Variants in GSAP observed in about 807,000 individuals in gnomAD.
GSAP encodes gamma-secretase-activating protein.
A neutral mutation model predicts 131.7 loss-of-function variants in GSAP; 118 were observed. The observed-to-expected ratio is 0.90, with a 90% CI of 0.77 to 1.04. The LOEUF (loss-of-function observed/expected upper bound fraction) is 1.04. GSAP is among the 50% of genes least tolerant of loss of function. The probability of loss-of-function intolerance (pLI) is 0.00; values close to 1 mark genes in which losing one functional copy is unlikely to be tolerated. For missense variants in GSAP, 1,019 were observed against 1,013.2 expected (o/e 1.01, Z -0.08); for synonymous variants, 381 against 363.4 (o/e 1.05, Z -0.55).
intron 12 of GSAP, among the ~76,000 whole-genome samples, chr7:77,369,433 T>C (rs1036399385): frequency 6.6e-6 from 1 of 152,198 alleles, no homozygotes; most frequent in Non-Finnish European, 1.5e-5. Context: ...TTGTAACCTC[T>C]AGTTCCTTGG....
At chr7:77,311,685 A>G (rs1325078156) in intron 30 of GSAP, 156 bp downstream of exon 30, 1 of 596,598 alleles carries the variant, frequency 1.7e-6, no homozygotes, top group Non-Finnish European at 3.0e-6. Flanking sequence ...AATTTACTCT[A>G]GGTAGTAAAT....
At chr7:77,403,312 G>T (rs1801683617) in intron 3 of GSAP, among the ~76,000 whole-genome samples, 3 of 152,160 alleles carry the variant, frequency 2.0e-5, no homozygotes. Context: ...ATCAGTGAAT[G>T]GGTGAATGAA....
chr7:77,346,290 A>AAAAAAAAG (rs1791848826), intron 19 of GSAP, among the ~76,000 whole-genome samples: 1 of 147,138 alleles, frequency 6.8e-6, no homozygotes, highest in East Asian at 2.0e-4. Context: ...AAAAAAAAAA[A>AAAAAAAAG]GAAAGAAAGA....
Position 77,360,877 on chromosome 7 carries a change from G to A in GSAP, c.974C>T (p.Ser325Phe), listed in dbSNP as rs1173846587. The A allele has an allele frequency of 6.2e-7, 1 of 1,602,080 alleles. No individual in the cohort carries two copies. Among genetic ancestry groups the A allele is most frequent in the East Asian group, 2.2e-5 (1 of 44,838 alleles). Residue 325 changes from serine (S) to phenylalanine (F), a missense_variant, in exon 14 of 31, where the codon TCT (serine) becomes TTT (phenylalanine). Coordinates refer to ENST00000257626, the MANE Select transcript of GSAP (RefSeq NM_017439.4). ...CATGTGTGACCCAACATTCTCAAGA[G>A]AAGTGGTGAAGGTCTTGCTGTGTCC... ...HKGHSKTFTT[S>F]LENVGSHMTK... is the part of the protein sequence containing the mutation.
In GSAP at chr7:77,374,172, T is replaced by G; in HGVS notation, c.786-17A>C. The G allele has an allele frequency of 7.6e-7, 1 of 1,319,712 alleles. No individual in the cohort carries two copies. Among genetic ancestry groups the G allele is most frequent in the Non-Finnish European group, 1.1e-6 (1 of 927,862 alleles). The allele number at this position is 1,319,712 out of a possible 1,614,324, so 81.8% of individuals were successfully genotyped here. On this transcript the variant is annotated splice_polypyrimidine_tract_variant and intron_variant, in intron 11 of 30. Transcript: ENST00000257626. ...TTGACAAGTCTAAGAACATAAAGAA[T>G]GAGAAATTATTGAATGCATTTAAAA...
intron 5 of GSAP, among the ~76,000 whole-genome samples, chr7:77,388,322 T>G: frequency 6.6e-6 from 1 of 152,246 alleles, no homozygotes; most frequent in Non-Finnish European, 1.5e-5. Flanking sequence ...ATTGTTTGTG[T>G]AGGAAAATAA....
At chr7:77,407,587 T>C (rs951434212) in intron 1 of GSAP, among the ~76,000 whole-genome samples, 1 of 152,222 alleles carries the variant, frequency 6.6e-6, no homozygotes, top group Non-Finnish European at 1.5e-5. Context: ...TATTCTTTTA[T>C]TAGTTATACT....
intron 5 of GSAP, among the ~76,000 whole-genome samples, chr7:77,396,331 C>T (rs1246835148): frequency 6.6e-6 from 1 of 152,100 alleles, no homozygotes; most frequent in Non-Finnish European, 1.5e-5. Flanking sequence ...TACATGGTCT[C>T]TCTGGCCAAT....
At chr7:77,409,794 A>T (rs1177652081) in intron 1 of GSAP, among the ~76,000 whole-genome samples, 2 of 152,260 alleles carry the variant, frequency 1.3e-5, no homozygotes, top group African/African-American at 4.8e-5. Context: ...ATTTACTTGC[A>T]AAAGCGTATC....
chr7:77,351,732 T>G (rs563540457), intron 18 of GSAP: 2 of 985,746 alleles, frequency 2.0e-6, no homozygotes, highest in South Asian at 9.4e-5. Context: ...AGGGTGATAT[T>G]CTCACACCAC....
intron 6 of GSAP, among the ~76,000 whole-genome samples, chr7:77,386,419 G>A (rs1798571912): frequency 2.0e-5 from 3 of 152,100 alleles, no homozygotes; most frequent in African/African-American, 7.2e-5. Flanking sequence ...ATTGTCTTTT[G>A]GGATTATGAT....
At chr7:77,377,022 C>A in intron 9 of GSAP, 115 bp from the exon 10 acceptor site, 1 of 678,622 alleles carries the variant, frequency 1.5e-6, no homozygotes, top group East Asian at 2.8e-5. Context: ...TAGTGAACTG[C>A]AGTAATAATA....
chr7:77,402,361 A>G (rs1388034630), intron 3 of GSAP, among the ~76,000 whole-genome samples: 4 of 147,946 alleles, frequency 2.7e-5, no homozygotes, highest in Non-Finnish European at 6.0e-5. Flanking sequence ...CCTGGCCAAC[A>G]TGGGAAACCC....
intron 8 of GSAP, among the ~76,000 whole-genome samples, chr7:77,379,297 A>C: frequency 6.6e-6 from 1 of 151,726 alleles, no homozygotes; most frequent in South Asian, 2.1e-4. Flanking sequence ...CTCTGTAAAA[A>C]TAGGGATAAG....
intron 23 of GSAP, among the ~76,000 whole-genome samples, chr7:77,325,426 T>C (rs1162827004): frequency 6.6e-6 from 1 of 152,256 alleles, no homozygotes; most frequent in Non-Finnish European, 1.5e-5. Context: ...TCCAGATGTC[T>C]CTTTAATCAG....
At chr7:77,414,439 T>C (rs975381385) in intron 1 of GSAP, among the ~76,000 whole-genome samples, 1 of 152,206 alleles carries the variant, frequency 6.6e-6, no homozygotes, top group South Asian at 2.1e-4. Flanking sequence ...ATAATTCTCT[T>C]AGTATAACAG....
chr7:77,404,895 A>G (rs918041061), intron 2 of GSAP, among the ~76,000 whole-genome samples: 14 of 152,210 alleles, frequency 9.2e-5, no homozygotes, highest in African/African-American at 3.1e-4. Flanking sequence ...TATGTCTTTG[A>G]AAACACACAC....
chr7:77,331,038 G>T (rs1420420157), intron 19 of GSAP, among the ~76,000 whole-genome samples: 1 of 152,170 alleles, frequency 6.6e-6, no homozygotes, highest in East Asian at 1.9e-4. Context: ...TGTTGACCAG[G>T]TGCAGTGGCT....
intron 6 of GSAP, 62 bp from the exon 7 acceptor site, chr7:77,382,705 A>C (rs536551439): frequency 1.1e-6 from 1 of 929,490 alleles, no homozygotes; most frequent in African/African-American, 1.6e-5. Flanking sequence ...GTATTTCCAA[A>C]GTTGTGTTTG....
Sources: gnomAD v4.1 joint callset for allele counts (sites outside exome capture counted in the v4.1 genomes callset) on GRCh38, gnomAD v4.1.1 for gene constraint, MANE v1.5 for transcripts, NCBI Gene and HGNC (gene_info 2026-07-23, HGNC 2026-07-21) for gene names.